The following KLHL29 variants were observed in gnomAD, a reference collection of about 807,000 sequenced individuals.
KLHL29 encodes kelch-like protein 29.
In KLHL29, 21 loss-of-function variants were observed where a neutral mutation model predicts 80.4. The observed-to-expected ratio is 0.26, with a 90% CI of 0.19 to 0.38. The LOEUF (loss-of-function observed/expected upper bound fraction) is 0.38. KLHL29 is among the 10% of genes least tolerant of loss of function. The probability of loss-of-function intolerance (pLI) is 1.00; values close to 1 mark genes in which losing one functional copy is unlikely to be tolerated. For synonymous variants in KLHL29, 511 were observed against 526.8 expected (o/e 0.97, Z 0.41); for missense variants, 867 against 1,223.9 (o/e 0.71, Z 4.35).
Position 23,681,858 on chromosome 2 carries a change from G to A in KLHL29, c.941-2541G>A, listed in dbSNP as rs768783105. On this transcript the variant is annotated intron_variant, in intron 5 of 13. Coordinates refer to ENST00000486442, the MANE Select transcript of KLHL29 (RefSeq NM_052920.2). The surrounding 1 kb of genome is among the most constrained non-coding windows in gnomAD (Gnocchi z 4.2). ...GGCTGGTGACTCTTTCTGGAGATAC[G>A]TGTGAGCATGGCAGCTGAGCCTTAT... Among the ~76,000 whole-genome samples, 7 of 152,148 alleles carry A rather than the reference G, an allele frequency of 4.6e-5. No individual in the cohort carries two copies. The highest frequency in any genetic ancestry group is 1.4e-4 in the African/African-American group (6 of 41,424).
intron 3 of KLHL29, among the ~76,000 whole-genome samples, chr2:23,608,335 C>T (rs1014675561): frequency 2.0e-5 from 3 of 152,198 alleles, no homozygotes; most frequent in Non-Finnish European, 4.4e-5. Context: ...AACTCCCACG[C>T]GCCTGTGAGG....
At chr2:23,698,537 T>C (rs997222797) in intron 11 of KLHL29, among the ~76,000 whole-genome samples, 1 of 150,310 alleles carries the variant, frequency 6.7e-6, no homozygotes, top group East Asian at 2.0e-4. Flanking sequence ...GGCTATTATA[T>C]TGATAATGAA....
At chr2:23,438,287 T>C (rs985842468) in intron 1 of KLHL29, among the ~76,000 whole-genome samples, 1 of 151,878 alleles carries the variant, frequency 6.6e-6, no homozygotes, top group Non-Finnish European at 1.5e-5. Context: ...CTTTTCCTAA[T>C]TGAATACCCT....
intron 1 of KLHL29, among the ~76,000 whole-genome samples, chr2:23,450,796 G>T (rs1029655122): frequency 6.6e-6 from 1 of 152,110 alleles, no homozygotes; most frequent in Admixed American, 6.6e-5. Flanking sequence ...CAATTCAGTG[G>T]TTTTTAATAT....
chr2:23,635,203 C>T (rs904758823), intron 3 of KLHL29, among the ~76,000 whole-genome samples: 9 of 152,246 alleles, frequency 5.9e-5, no homozygotes, highest in Admixed American at 1.3e-4. Flanking sequence ...GGCTGTGTGT[C>T]GCAGACTCGT....
chr2:23,469,797 G>A (rs543901445), intron 1 of KLHL29, among the ~76,000 whole-genome samples: 1 of 152,162 alleles, frequency 6.6e-6, no homozygotes, highest in Non-Finnish European at 1.5e-5. Context: ...CAGTGCTGCT[G>A]TGGGTGAGTC....
At chr2:23,704,805 C>G (rs1672616086) in intron 13 of KLHL29, among the ~76,000 whole-genome samples, 1 of 152,224 alleles carries the variant, frequency 6.6e-6, no homozygotes, top group African/African-American at 2.4e-5. Context: ...ATTGTCAGGA[C>G]TCCCATAGCA....
intron 2 of KLHL29, among the ~76,000 whole-genome samples, chr2:23,555,934 A>T (rs578052613): frequency 1.3e-5 from 2 of 152,134 alleles, no homozygotes; most frequent in Non-Finnish European, 2.9e-5. Context: ...ACCTTGTCCT[A>T]AGGTTTGGGG....
intron 4 of KLHL29, among the ~76,000 whole-genome samples, chr2:23,641,782 G>A (rs1339976379): frequency 9.2e-5 from 14 of 152,076 alleles, no homozygotes; most frequent in African/African-American, 3.4e-4. Context: ...TCAGGAGTTC[G>A]AGACCAGCCT....
chr2:23,457,739 C>T lies in KLHL29; in HGVS notation c.-153-17821C>T, dbSNP rs541579592. 1.3e-5 allele frequency among the ~76,000 whole-genome samples: 2 copies of T among 152,288 alleles called. No homozygotes were observed. The highest frequency in any genetic ancestry group is 1.9e-4 in the East Asian group (1 of 5,180). On this transcript the variant is annotated intron_variant, in intron 1 of 13. Coordinates refer to ENST00000486442, the MANE Select transcript of KLHL29 (RefSeq NM_052920.2). This position sits in a 1 kb window ranked among gnomAD's most constrained non-coding sequence, Gnocchi z 4.3. ...ACTCTAAAGAAAACGTAAGGCCGGG[C>T]GCGGTGGCTCACACCTGTAATCCCA...
intron 13 of KLHL29, among the ~76,000 whole-genome samples, chr2:23,704,095 C>A (rs1672563740): frequency 6.6e-6 from 1 of 152,202 alleles, no homozygotes; most frequent in Non-Finnish European, 1.5e-5. Context: ...CCAGCTCCAG[C>A]AGAAATGAAC....
intron 3 of KLHL29, among the ~76,000 whole-genome samples, chr2:23,622,143 C>G (rs930874582): frequency 6.6e-6 from 1 of 152,150 alleles, no homozygotes; most frequent in Admixed American, 6.5e-5. Flanking sequence ...AACTGAGGCT[C>G]AGAGACATTA....
chr2:23,620,380 C>T (rs917071151), intron 3 of KLHL29, among the ~76,000 whole-genome samples: 2 of 152,154 alleles, frequency 1.3e-5, no homozygotes. Flanking sequence ...TTCAGATAGA[C>T]ACCCCAGGTG....
At chr2:23,469,265 A>G (rs1456047754) in intron 1 of KLHL29, among the ~76,000 whole-genome samples, 1 of 152,154 alleles carries the variant, frequency 6.6e-6, no homozygotes, top group African/African-American at 2.4e-5. Flanking sequence ...CCCCACCCAC[A>G]TGGTGACCTG....
At chr2:23,458,716 C>G (rs1664130741) in intron 1 of KLHL29, among the ~76,000 whole-genome samples, 3 of 152,160 alleles carry the variant, frequency 2.0e-5, no homozygotes, top group Non-Finnish European at 4.4e-5. Flanking sequence ...GAGGAACCAG[C>G]ATGTGGAAAC....
At chr2:23,448,916 G>T (rs1188187590) in intron 1 of KLHL29, among the ~76,000 whole-genome samples, 1 of 152,134 alleles carries the variant, frequency 6.6e-6, no homozygotes, top group Non-Finnish European at 1.5e-5. Flanking sequence ...GAACCTGGAG[G>T]TGCAAAGGAA....
chr2:23,529,256 C>G (rs1183732686), intron 2 of KLHL29, among the ~76,000 whole-genome samples: 2 of 152,064 alleles, frequency 1.3e-5, no homozygotes, highest in Admixed American at 6.6e-5. Flanking sequence ...ACTACAGATG[C>G]ACACCACCAC....
intron 2 of KLHL29, among the ~76,000 whole-genome samples, chr2:23,509,105 G>A (rs761662169): frequency 6.6e-6 from 1 of 152,228 alleles, no homozygotes; most frequent in African/African-American, 2.4e-5. Context: ...AGCTCCTTCA[G>A]GCCCGGAATG....
At chr2:23,591,351 C>G (rs568735092) in intron 3 of KLHL29, among the ~76,000 whole-genome samples, 10 of 152,284 alleles carry the variant, frequency 6.6e-5, no homozygotes, top group Admixed American at 2.0e-4. Flanking sequence ...TGTCCCGTCC[C>G]AGGCCAGCCC....
Sources: gnomAD v4.1 joint callset for allele counts (sites outside exome capture counted in the v4.1 genomes callset) on GRCh38, gnomAD v4.1.1 for gene constraint, Gnocchi (gnomAD v3.1) non-coding constraint, MANE v1.5 for transcripts, NCBI Gene and HGNC (gene_info 2026-07-23, HGNC 2026-07-21) for gene names.